Variants in DRICH1 observed in about 807,000 individuals in gnomAD.
DRICH1 encodes the protein aspartate rich 1.
In DRICH1, 38 loss-of-function variants were observed where a neutral mutation model predicts 39.5. The ratio of observed to expected loss-of-function variants is 0.96; its 90% CI spans 0.74 to 1.26. The LOEUF is 1.26. DRICH1 is among the 50% of genes most tolerant of loss of function. DRICH1 has a pLI of 0.00. For synonymous variants in DRICH1, 84 were observed against 99.5 expected (o/e 0.84, Z 0.93); for missense variants, 279 against 270.4 (o/e 1.03, Z -0.22).
the DRICH1 span, among the ~76,000 whole-genome samples, chr22:23,602,900 T>C: frequency 6.6e-6 from 1 of 152,196 alleles, no homozygotes; most frequent in South Asian, 2.1e-4. Flanking sequence ...CATATTTATC[T>C]TAAGTGTTTA....
chr22:23,612,109 T>TA (rs1347975367), intron 11 of DRICH1, among the ~76,000 whole-genome samples: 1 of 152,162 alleles, frequency 6.6e-6, no homozygotes, highest in African/African-American at 2.4e-5. Context: ...GTGCTGGTGT[T>TA]ATTCCAAAAC....
At position 23,612,396 on chromosome 22, in the gene DRICH1, G is replaced by A. The variant is rs184724283; in HGVS notation, c.685+893C>T. On this transcript the variant is annotated intron_variant, in intron 11 of 11. Transcript: ENST00000317749. The stretch of plus-strand genomic sequence containing the variant: ...GCACGAGAATGGCGTGAACCCGGGA[G>A]GCGGAGCTTGCAGTGAGCCGAGATC... 4.5e-3 allele frequency among the ~76,000 whole-genome samples: 682 copies of A among 150,722 alleles called. 4 individuals carry two copies. The highest frequency in any genetic ancestry group is 0.016 in the African/African-American group (658 of 40,808).
At chr22:23,619,721 A>C (rs1472317227) in intron 5 of DRICH1, among the ~76,000 whole-genome samples, 2 of 151,236 alleles carry the variant, frequency 1.3e-5, no homozygotes, top group Non-Finnish European at 2.9e-5. Context: ...GAATGCTGAT[A>C]GATGCTGAAG....
intron 3 of DRICH1, among the ~76,000 whole-genome samples, chr22:23,623,285 G>T (rs1276403230): frequency 6.6e-6 from 1 of 152,066 alleles, no homozygotes; most frequent in East Asian, 1.9e-4. Flanking sequence ...CATGACTGTA[G>T]TCCCAGCTAC....
In DRICH1 at chr22:23,629,659, A is replaced by T. The variant is rs545070114; in HGVS notation, c.208+2157T>A. On this transcript the variant is annotated intron_variant, in intron 1 of 11. Coordinates refer to ENST00000317749, the MANE Select transcript of DRICH1 (RefSeq NM_016449.4). ...GAGACAGAGTCTCACTCTGTCACCC[A>T]GGCTGGAGGGGGCAGTGGCTCGATC... Among the ~76,000 whole-genome samples the T allele has an allele frequency of 4.1e-4, 62 of 152,024 alleles. 1 individual carries two copies. The South Asian group carries it at 0.013, about 31-fold the overall frequency.
chr22:23,584,267 C>T, the DRICH1 span, among the ~76,000 whole-genome samples: 3 of 152,236 alleles, frequency 2.0e-5, no homozygotes, highest in African/African-American at 7.2e-5. Flanking sequence ...GGTGCCTCTG[C>T]AGAGCCCTCT....
chr22:23,596,888 C>T, the DRICH1 span, among the ~76,000 whole-genome samples: 63,920 of 147,540 alleles, frequency 0.43, 13,799 homozygotes, highest in East Asian at 0.59. Context: ...TTTTTCAAGT[C>T]CTCTACTTCT....
At chr22:23,605,278 G>A (rs1211518879), downstream of DRICH1, among the ~76,000 whole-genome samples, 1 of 152,164 alleles carries the variant, frequency 6.6e-6, no homozygotes, top group African/African-American at 2.4e-5. Context: ...CACACAAGGA[G>A]AGGGGCCGCA....
At chr22:23,625,950 T>A (rs751869187) in intron 2 of DRICH1, 31 bp downstream of exon 2, 1 of 1,573,162 alleles carries the variant, frequency 6.4e-7, no homozygotes, top group Non-Finnish European at 8.7e-7. Flanking sequence ...AAAGCAACAT[T>A]TCCTTAGAAG....
At chr22:23,626,168 G>GA in intron 1 of DRICH1, 120 bp from the exon 2 acceptor site, 1 of 689,754 alleles carries the variant, frequency 1.4e-6, no homozygotes, top group East Asian at 2.5e-5. Context: ...CCATCTCAGA[G>GA]AAACAACTGT....
intron 1 of DRICH1, among the ~76,000 whole-genome samples, chr22:23,628,480 T>G (rs1370636438): frequency 6.6e-6 from 1 of 151,482 alleles, no homozygotes; most frequent in Non-Finnish European, 1.5e-5. Context: ...GGCAGCAGAA[T>G]CAGTTGAACT....
At chr22:23,593,143 G>A in the DRICH1 span, among the ~76,000 whole-genome samples, 1 of 151,596 alleles carries the variant, frequency 6.6e-6, no homozygotes, top group African/African-American at 2.4e-5. Flanking sequence ...AGGAAAACAT[G>A]GACAAAGAAC....
chr22:23,613,759 A>G (rs923606265), intron 9 of DRICH1, 99 bp from the exon 10 acceptor site: 2 of 904,278 alleles, frequency 2.2e-6, no homozygotes, highest in African/African-American at 3.3e-5. Flanking sequence ...ACCAGAAGGC[A>G]GTATAGTGAT....
At chr22:23,599,609 G>A in the DRICH1 span, among the ~76,000 whole-genome samples, 1 of 152,162 alleles carries the variant, frequency 6.6e-6, no homozygotes, top group Non-Finnish European at 1.5e-5. Context: ...GGGCCCATGT[G>A]CACCTGCCAT....
chr22:23,596,448 G>T, the DRICH1 span, among the ~76,000 whole-genome samples: 1 of 152,080 alleles, frequency 6.6e-6, no homozygotes, highest in Non-Finnish European at 1.5e-5. Flanking sequence ...GTGCAAAGGG[G>T]TCTCATTTTG....
chr22:23,584,813 T>C, the DRICH1 span, among the ~76,000 whole-genome samples: 1 of 152,232 alleles, frequency 6.6e-6, no homozygotes, highest in African/African-American at 2.4e-5. Flanking sequence ...AGTCTTTTTT[T>C]TGAGACAGGG....
Position 23,616,891 on chromosome 22 carries a change from G to A in DRICH1, c.520-17C>T. 6.2e-7 allele frequency: 1 copy of A among 1,613,818 alleles called. No homozygotes were observed. Among genetic ancestry groups the A allele is most frequent in the South Asian group, 1.1e-5 (1 of 91,076 alleles). Reference sequence around the variant, plus strand: ...CGGTAAAATCTGCAATGAGATAAAAGAAGATGCTGTAAGGATCAGATCAAT... The same window carrying A: ...CGGTAAAATCTGCAATGAGATAAAAAAAGATGCTGTAAGGATCAGATCAAT... On this transcript the variant is annotated splice_polypyrimidine_tract_variant and intron_variant, in intron 7 of 11. Transcript: ENST00000317749.
chr22:23,613,683 A>G, intron 9 of DRICH1, 23 bp from the exon 10 acceptor site: 3 of 1,569,600 alleles, frequency 1.9e-6, no homozygotes, highest in South Asian at 1.1e-5. Context: ...AAAAGAAAAC[A>G]TTATGAAAAT....
downstream of DRICH1, among the ~76,000 whole-genome samples, chr22:23,606,771 CCT>C (rs1048415759): frequency 6.6e-5 from 10 of 152,276 alleles, no homozygotes; most frequent in South Asian, 2.1e-4. Context: ...GCAGATGCCC[CCT>C]GAGATGCCAG....
Sources: allele counts gnomAD v4.1 joint callset (sites outside exome capture counted in the v4.1 genomes callset), GRCh38; gene constraint gnomAD v4.1.1; transcripts MANE v1.5; gene names NCBI Gene and HGNC (gene_info 2026-07-23, HGNC 2026-07-21).